CTSZ: variants seen among roughly 807,000 people sequenced by gnomAD.
The protein encoded by CTSZ is cathepsin Z, also known as carboxypeptidase LB.
CTSZ carries 39 observed loss-of-function variants against 32.4 expected under a neutral mutation model. The ratio of observed to expected loss-of-function variants is 1.20; its 90% CI spans 0.93 to 1.57. CTSZ has a LOEUF of 1.57. Ranked by LOEUF, CTSZ falls within the 40% of genes most tolerant of loss-of-function variation. CTSZ has a pLI of 0.00. For synonymous variants in CTSZ, 168 were observed against 170.1 expected (o/e 0.99, Z 0.10); for missense variants, 397 against 419.6 (o/e 0.95, Z 0.47).
chr20:59,004,992 G>A lies in CTSZ; in HGVS notation c.307+1330C>T, dbSNP rs536960561. 2.8e-4 allele frequency among the ~76,000 whole-genome samples: 42 copies of A among 152,194 alleles called. No homozygotes were observed. Among genetic ancestry groups the A allele is most frequent in the African/African-American group, 9.2e-4 (38 of 41,514 alleles). ...CTCAAAGAGTTCAAGGCTTCCCACA[G>A]GCACCTGTTGACCTTTCTATTCTCC... On this transcript the variant is annotated intron_variant, in intron 2 of 5. Coordinates refer to ENST00000217131, the MANE Select transcript of CTSZ (RefSeq NM_001336.4). This position sits in a 1 kb window ranked among gnomAD's most constrained non-coding sequence, Gnocchi z 5.6.
In CTSZ at chr20:59,006,970, C is replaced by T. The variant is rs2146367428; in HGVS notation, c.143+16G>A. On this transcript the variant is annotated intron_variant, in intron 1 of 5. Coordinates refer to ENST00000217131, the MANE Select transcript of CTSZ (RefSeq NM_001336.4). ...GCCTCCCGTCCCCCCAGGGCTGCCT[C>T]CCCGCCGGTGCCCACCTGCGCCCCA... 2.8e-6 allele frequency: 4 copies of T among 1,422,964 alleles called. No individual in the cohort carries two copies. The highest frequency in any genetic ancestry group is 1.5e-5 in the African/African-American group (1 of 66,620). The allele number at this position is 1,422,964 out of a possible 1,614,324, so 88.1% of individuals were successfully genotyped here.
Position 59,006,992 on chromosome 20 carries a change from C to G in CTSZ, c.137G>C (p.Gly46Ala). 6.8e-7 allele frequency: 1 copy of G among 1,460,684 alleles called. No individual in the cohort carries two copies. Among genetic ancestry groups the G allele is most frequent in the Non-Finnish European group, 9.0e-7 (1 of 1,113,822 alleles). 90.5% of individuals were successfully genotyped at this position (1,460,684 alleles called of 1,614,324 possible). The change falls in exon 1 of 6, where the codon GGG (glycine) becomes GCG (alanine). Residue 46 changes from glycine to alanine, a missense_variant. Transcript: ENST00000217131. ...PLRGDGLAPL[G>A]RSTYPRPHEY... is the part of the protein sequence containing the mutation. The stretch of plus-strand genomic sequence containing the variant: ...CCTCCCCGCCGGTGCCCACCTGCGC[C>G]CCAGCGGAGCCAGCCCGTCCCCCCG...
intron 2 of CTSZ, 181 bp downstream of exon 2, chr20:59,006,141 A>G: frequency 2.8e-6 from 2 of 715,256 alleles, no homozygotes; most frequent in South Asian, 4.0e-5. Flanking sequence ...CCCCAGAATG[A>G]CCCAGCTTGG....
chr20:58,996,211 G>A (rs2091859093), intron 5 of CTSZ, among the ~76,000 whole-genome samples: 1 of 152,134 alleles, frequency 6.6e-6, no homozygotes, highest in Admixed American at 6.5e-5. Flanking sequence ...CCCAACTCGA[G>A]TATTTTTGAA....
Position 59,007,235 on chromosome 20 carries a change from C to A in CTSZ, c.-107G>T. 1 of 1,248,456 alleles carries A rather than the reference C, an allele frequency of 8.0e-7. No individual in the cohort carries two copies. The highest frequency in any genetic ancestry group is 1.0e-6 in the Non-Finnish European group (1 of 995,286). The allele number at this position is 1,248,456 out of a possible 1,614,324, so 77.3% of individuals were successfully genotyped here. ...CCCCGGCCTCGGCCTCGGCCCAGCACCCGGCCGACCCCGCACTTTGGGCCC... is the reference window on the plus strand; with the variant it reads ...CCCCGGCCTCGGCCTCGGCCCAGCAACCGGCCGACCCCGCACTTTGGGCCC... On this transcript the variant is annotated 5_prime_UTR_variant, in exon 1 of 6. Transcript: ENST00000217131.
chr20:59,001,433 A>T, intron 3 of CTSZ, 32 bp downstream of exon 3: 2 of 1,585,032 alleles, frequency 1.3e-6, no homozygotes, highest in Non-Finnish European at 1.7e-6. Context: ...GGAGGGCAGG[A>T]GGGTGGAGTG....
intron 5 of CTSZ, 51 bp from the exon 6 acceptor site, chr20:58,995,810 C>T (rs1437372780): frequency 1.3e-6 from 2 of 1,535,704 alleles, no homozygotes; most frequent in Non-Finnish European, 1.8e-6. Flanking sequence ...TCTCCCGCTC[C>T]CCTTGCTGCC....
intron 4 of CTSZ, 114 bp from the exon 5 acceptor site, chr20:58,996,915 G>C: frequency 1.7e-6 from 2 of 1,168,512 alleles, no homozygotes; most frequent in Admixed American, 2.2e-5. Context: ...CCAGCACTTT[G>C]GGAGGCCGAG....
intron 4 of CTSZ, 73 bp downstream of exon 4, chr20:58,997,530 G>A (rs922180493): frequency 4.9e-6 from 7 of 1,418,308 alleles, no homozygotes; most frequent in Admixed American, 2.5e-5. Context: ...CTCCTCACCC[G>A]CGGGACCTTT....
Position 59,006,964 on chromosome 20 carries a change from C to T in CTSZ, c.143+22G>A, listed in dbSNP as rs2091911059. On this transcript the variant is annotated intron_variant, in intron 1 of 5. Coordinates refer to ENST00000217131, the MANE Select transcript of CTSZ (RefSeq NM_001336.4). ...CGATGGGCCTCCCGTCCCCCCAGGG[C>T]TGCCTCCCCGCCGGTGCCCACCTGC... 4 of 1,409,614 alleles carry T rather than the reference C, an allele frequency of 2.8e-6. No individual in the cohort carries two copies. The South Asian group carries it at 4.5e-5, about 16-fold the overall frequency. 87.3% of individuals were successfully genotyped at this position (1,409,614 alleles called of 1,614,324 possible).
chr20:58,997,768 GA>G lies in CTSZ; in HGVS notation c.488-16del. The G allele has an allele frequency of 6.3e-7, 1 of 1,582,468 alleles. No homozygotes were observed. Among genetic ancestry groups the G allele is most frequent in the Non-Finnish European group, 8.6e-7 (1 of 1,164,558 alleles). Reference sequence around the variant, plus strand: ...CTTGTCACACTCTGGGGGAGAGCAAGAAAAGTCAGCATGAGGCCGTCTCCTC... The same window carrying G: ...CTTGTCACACTCTGGGGGAGAGCAAGAAAGTCAGCATGAGGCCGTCTCCTC... On this transcript the variant is annotated splice_polypyrimidine_tract_variant and intron_variant, in intron 3 of 5. Transcript: ENST00000217131.
chr20:59,006,496 A>T lies in CTSZ; in HGVS notation c.144-11T>A. ...GGCCGGGGGTATGTGCTGAGAAGAGATCATCCCCACCCAGATCGGTGCTGG... is the reference window on the plus strand; with the variant it reads ...GGCCGGGGGTATGTGCTGAGAAGAGTTCATCCCCACCCAGATCGGTGCTGG... On this transcript the variant is annotated splice_polypyrimidine_tract_variant and intron_variant, in intron 1 of 5. Coordinates refer to ENST00000217131, the MANE Select transcript of CTSZ (RefSeq NM_001336.4). The T allele has an allele frequency of 6.2e-7, 1 of 1,607,556 alleles. No homozygotes were observed. Among genetic ancestry groups the T allele is most frequent in the Non-Finnish European group, 8.5e-7 (1 of 1,177,788 alleles).
At position 58,997,703 on chromosome 20, in the gene CTSZ, G is replaced by A; in HGVS notation, c.538C>T (p.His180Tyr). 6.2e-7 allele frequency: 1 copy of A among 1,608,946 alleles called. No individual in the cohort carries two copies. Among genetic ancestry groups the A allele is most frequent in the South Asian group, 1.1e-5 (1 of 89,738 alleles). ...CGTCNEFKEC[H>Y]AIRNYTLWRV... ...CAGAGGGTGTAGTTCCGGATGGCGT[G>A]GCACTCTTTGAATTCATTGCATGTC... is the stretch of plus-strand genomic sequence containing the variant. The change falls in exon 4 of 6, where the codon CAC becomes TAC. Residue 180 changes from histidine (H) to tyrosine (Y), a missense_variant. Transcript: ENST00000217131.
At chr20:59,005,481 A>T (rs1276562590) in intron 2 of CTSZ, among the ~76,000 whole-genome samples, 1 of 152,352 alleles carries the variant, frequency 6.6e-6, no homozygotes, top group South Asian at 2.1e-4. Context: ...ACGCAAACGC[A>T]TGTCCCCCAG....
chr20:59,001,128 G>T (rs752165570), intron 3 of CTSZ, among the ~76,000 whole-genome samples: 1 of 152,154 alleles, frequency 6.6e-6, no homozygotes, highest in Non-Finnish European at 1.5e-5. Context: ...CGCGCGCATG[G>T]CCAAGGATGC....
intron 3 of CTSZ, among the ~76,000 whole-genome samples, chr20:59,001,223 G>A (rs1411429099): frequency 6.6e-6 from 1 of 152,194 alleles, no homozygotes; most frequent in African/African-American, 2.4e-5. Flanking sequence ...CCCAGCCCAA[G>A]CGGGTGCAAG....
In CTSZ at chr20:59,007,037, T is replaced by A. The variant is rs1263395657; in HGVS notation, c.92A>T (p.Gln31Leu). ...CCCCCGCAGAGGCCGGTAGCAGGTC[T>A]GTCCCCGGCGGAAGTAGAGGCCGCC... The part of the protein sequence containing the change: ...AQGGLYFRRG[Q>L]TCYRPLRGDG... Residue 31 changes from glutamine to leucine, a missense_variant, in exon 1 of 6, where the codon CAG becomes CTG. Transcript: ENST00000217131. The A allele has an allele frequency of 6.8e-7, 1 of 1,472,296 alleles. No homozygotes were observed. Among genetic ancestry groups the A allele is most frequent in the Admixed American group, 2.4e-5 (1 of 41,882 alleles). 91.2% of individuals were successfully genotyped at this position (1,472,296 alleles called of 1,614,324 possible).
intron 4 of CTSZ, among the ~76,000 whole-genome samples, chr20:58,997,161 CAAAAAAAAAA>C (rs10582096): frequency 2.0e-4 from 21 of 105,392 alleles, no homozygotes; most frequent in Non-Finnish European, 3.6e-4. Context: ...GACTGTGTTT[CAAAAAAAAAA>C]AAAAAAAAAA....
chr20:59,003,212 C>A (rs1299147596), intron 2 of CTSZ, among the ~76,000 whole-genome samples: 1 of 152,206 alleles, frequency 6.6e-6, no homozygotes, highest in Non-Finnish European at 1.5e-5. Flanking sequence ...CCTTCTATGC[C>A]CAACCCAACC....
Sources: allele counts gnomAD v4.1 joint callset (sites outside exome capture counted in the v4.1 genomes callset), GRCh38; gene constraint gnomAD v4.1.1; non-coding constraint Gnocchi (gnomAD v3.1); transcripts MANE v1.5; gene names NCBI Gene and HGNC (gene_info 2026-07-23, HGNC 2026-07-21).